The following MYCN variants were observed in gnomAD, a reference collection of about 807,000 sequenced individuals.
The protein encoded by MYCN is MYCN proto-oncogene, bHLH transcription factor, also known as N-myc proto-oncogene protein.
In MYCN, 3 loss-of-function variants were observed where a neutral mutation model predicts 28.1. The ratio of observed to expected loss-of-function variants is 0.11; its 90% confidence interval spans 0.05 to 0.28. The LOEUF is 0.28. Among genes scored for constraint, MYCN ranks in the 10% least tolerant of loss-of-function variants. The pLI is 1.00. For missense variants in MYCN, 572 were observed against 651.4 expected, an observed-to-expected ratio of 0.88 and a Z score of 1.33; for synonymous variants, 326 against 288.3, an observed-to-expected ratio of 1.13 and a Z score of -1.32.
In MYCN at chr2:15,942,357, G is replaced by T; in HGVS notation, c.293G>T (p.Gly98Val). The T allele has an allele frequency of 6.2e-6, 10 of 1,607,112 alleles. No homozygotes were observed. Among genetic ancestry groups the T allele is most frequent in the Non-Finnish European group, 8.5e-6 (10 of 1,177,870 alleles). ...WGSPAEEDAF[G>V]LGGLGGLTPN... ...AGCCCGGCCGAGGAGGACGCGTTCGGCCTGGGGGGACTGGGTGGCCTCACC... is the reference window on the plus strand; with the variant it reads ...AGCCCGGCCGAGGAGGACGCGTTCGTCCTGGGGGGACTGGGTGGCCTCACC... Residue 98 changes from glycine to valine, a missense_variant, in exon 2 of 3, where the codon GGC (glycine) becomes GTC (valine). This residue lies in a region of MYCN where 499 missense variants were observed against 524.3 expected (regional missense o/e 0.95). Transcript: ENST00000281043. The surrounding 1 kb of genome is among the most constrained non-coding windows in gnomAD (Gnocchi z 7.0).
At position 15,946,222 on chromosome 2, in the gene MYCN, TGGGTGGGCAGTA is replaced by T; in HGVS notation, c.*128_*139del. 1 of 1,405,982 alleles carries T rather than the reference TGGGTGGGCAGTA, an allele frequency of 7.1e-7. No individual in the cohort carries two copies. The highest frequency in any genetic ancestry group is 9.9e-7 in the Non-Finnish European group (1 of 1,015,034). 87.1% of individuals were successfully genotyped at this position (1,405,982 alleles called of 1,614,324 possible). On this transcript the variant is annotated 3_prime_UTR_variant, in exon 3 of 3. Coordinates refer to ENST00000281043, the MANE Select transcript of MYCN (RefSeq NM_005378.6). ...ATCGGTCCCCTGTCGAGTTCGGCTCTGGGTGGGCAGTAGGACCACCAGTGTGGGGTTCTGCTG... is the reference window on the plus strand; with the variant it reads ...ATCGGTCCCCTGTCGAGTTCGGCTCTGGACCACCAGTGTGGGGTTCTGCTG...
rs963502992 is a variant in MYCN, at chr2:15,941,378, G to A, written c.-117-570G>A. 8 of 152,662 alleles carry A rather than the reference G, an allele frequency of 5.2e-5. No homozygotes were observed. Among genetic ancestry groups the A allele is most frequent in the African/African-American group, 1.9e-4 (8 of 41,482 alleles). The allele number at this position is 152,662 out of a possible 1,614,324, so 9.5% of individuals were successfully genotyped here. A position where few individuals can be genotyped will look rare whatever the true frequency, so the allele number is the denominator to read the frequency against. ...TGCCGAGGGGCGTTTGCTCAAATTT[G>A]GGGAGGGGAAGGATTTGTGGATATG... On this transcript the variant is annotated intron_variant, in intron 1 of 2. Coordinates refer to ENST00000281043, the MANE Select transcript of MYCN (RefSeq NM_005378.6). The surrounding 1 kb of genome is among the most constrained non-coding windows in gnomAD (Gnocchi z 4.8).
At chr2:15,940,933 T>C in intron 1 of MYCN, 190 bp downstream of exon 1, 2 of 396,214 alleles carry the variant, frequency 5.0e-6, no homozygotes, top group Non-Finnish European at 8.9e-6. Context: ...GAAGGCATCC[T>C]GGCTAGAGGA....
Position 15,946,115 on chromosome 2 carries a change from A to G in MYCN, c.*18A>G, listed in dbSNP as rs1662866903. The G allele has an allele frequency of 1.9e-6, 3 of 1,614,000 alleles. No individual in the cohort carries two copies. Among genetic ancestry groups the G allele is most frequent in the Non-Finnish European group, 2.5e-6 (3 of 1,180,044 alleles). ...CTTGCTAGACGCTTCTCAAAACTGG[A>G]CAGTCACTGCCACTTTGCACATTTT... On this transcript the variant is annotated 3_prime_UTR_variant, in exon 3 of 3. Coordinates refer to ENST00000281043, the MANE Select transcript of MYCN (RefSeq NM_005378.6).
intron 1 of MYCN, chr2:15,940,975 G>C (rs564967633): frequency 2.1e-5 from 8 of 387,958 alleles, no homozygotes; most frequent in African/African-American, 8.2e-5. Flanking sequence ...AGCCCTTACC[G>C]GGGGGAGTAA....
rs140276895 is a variant in MYCN, at chr2:15,945,795, C to G, written c.1093C>G (p.Pro365Ala). Residue 365 changes from proline (P) to alanine (A), a missense_variant, in exon 3 of 3, where the codon CCA becomes GCA. Pro to Ala is a conservative substitution (Grantham distance 27). Coordinates refer to ENST00000281043, the MANE Select transcript of MYCN (RefSeq NM_005378.6). The surrounding 1 kb of genome is among the most constrained non-coding windows in gnomAD (Gnocchi z 4.8). Reference sequence around the variant, plus strand: ...ACGTCCGCTCAAGAGTGTCATCCCCCCAAAGGCTAAGAGCTTGAGCCCCCG... The same window carrying G: ...ACGTCCGCTCAAGAGTGTCATCCCCGCAAAGGCTAAGAGCTTGAGCCCCCG... ...SPRPLKSVIP[P>A]KAKSLSPRNS... The G allele has an allele frequency of 6.2e-4, 997 of 1,614,070 alleles. 3 individuals are homozygous for G. Among genetic ancestry groups the G allele is most frequent in the Middle Eastern group, 3.8e-3 (23 of 6,062 alleles).
At chr2:15,943,420 A>G (rs1480553642) in intron 2 of MYCN, among the ~76,000 whole-genome samples, 1 of 96,450 alleles carries the variant, frequency 1.0e-5, no homozygotes, top group African/African-American at 4.5e-5. Flanking sequence ...TTTTTTTTTC[A>G]AATGTCGGTA....
Position 15,945,381 on chromosome 2 carries a change from G to A in MYCN, c.791-112G>A. 1.6e-6 allele frequency: 2 copies of A among 1,278,020 alleles called. No homozygotes were observed. The highest frequency in any genetic ancestry group is 1.3e-5 in the South Asian group (1 of 77,264). The allele number at this position is 1,278,020 out of a possible 1,614,324, so 79.2% of individuals were successfully genotyped here. A position where few individuals can be genotyped will look rare whatever the true frequency, so the allele number is the denominator to read the frequency against. ...TGTTGATGGACCCATAAAAATAGCA[G>A]TCTGCCAGGGTCTGCCGGAAGAGAC... On this transcript the variant is annotated intron_variant, in intron 2 of 2. Coordinates refer to ENST00000281043, the MANE Select transcript of MYCN (RefSeq NM_005378.6). This position sits in a 1 kb window ranked among gnomAD's most constrained non-coding sequence, Gnocchi z 4.8.
rs2103332751 is a variant in MYCN, at chr2:15,946,244, G to A, written c.*147G>A. ...CTCTGGGTGGGCAGTAGGACCACCA[G>A]TGTGGGGTTCTGCTGGGACCTTGGA... On this transcript the variant is annotated 3_prime_UTR_variant, in exon 3 of 3. Transcript: ENST00000281043. 1 of 1,174,902 alleles carries A rather than the reference G, an allele frequency of 8.5e-7. No homozygotes were observed. The highest frequency in any genetic ancestry group is 1.2e-6 in the Non-Finnish European group (1 of 812,878). The allele number at this position is 1,174,902 out of a possible 1,614,324, so 72.8% of individuals were successfully genotyped here.
chr2:15,944,077 T>A (rs1662793843), intron 2 of MYCN, among the ~76,000 whole-genome samples: 1 of 152,216 alleles, frequency 6.6e-6, no homozygotes, highest in East Asian at 1.9e-4. Flanking sequence ...CTTTAATGTC[T>A]GTGCCTTGAC....
rs74848979 is a variant in MYCN at position 15,943,556 on chromosome 2, C to T, written c.790+702C>T. On this transcript the variant is annotated intron_variant, in intron 2 of 2. Transcript: ENST00000281043. ...GAAAGGCTGGGGGTGGTGGGGGCAC[C>T]CTCCCTCCCTCCATTCAGCAGCTGG... is the stretch of plus-strand genomic sequence containing the variant. Among the ~76,000 whole-genome samples, 527 of 152,088 alleles carry T rather than the reference C, an allele frequency of 3.5e-3. 1 individual carries two copies. Among genetic ancestry groups the T allele is most frequent in the South Asian group, 0.011 (52 of 4,814 alleles).
Position 15,942,361 on chromosome 2 carries a change from G to A in MYCN, c.297G>A (p.Leu99=). 2 of 1,606,472 alleles carry A rather than the reference G, an allele frequency of 1.2e-6. No homozygotes were observed. The highest frequency in any genetic ancestry group is 1.1e-5 in the South Asian group (1 of 90,188). ...GSPAEEDAFG[L]GGLGGLTPNP... ...CGGCCGAGGAGGACGCGTTCGGCCT[G>A]GGGGGACTGGGTGGCCTCACCCCCA... The change falls in exon 2 of 3, where the codon CTG becomes CTA. Residue 99 remains leucine, a synonymous_variant. Transcript: ENST00000281043. The surrounding 1 kb of genome is among the most constrained non-coding windows in gnomAD (Gnocchi z 7.0).
Position 15,945,382 on chromosome 2 carries a change from T to A in MYCN, c.791-111T>A. ...GTTGATGGACCCATAAAAATAGCAG[T>A]CTGCCAGGGTCTGCCGGAAGAGACA... On this transcript the variant is annotated intron_variant, in intron 2 of 2. Coordinates refer to ENST00000281043, the MANE Select transcript of MYCN (RefSeq NM_005378.6). The surrounding 1 kb of genome is among the most constrained non-coding windows in gnomAD (Gnocchi z 4.8). 7.8e-7 allele frequency: 1 copy of A among 1,284,068 alleles called. No homozygotes were observed. Among genetic ancestry groups the A allele is most frequent in the Non-Finnish European group, 1.1e-6 (1 of 907,746 alleles). 79.5% of individuals were successfully genotyped at this position (1,284,068 alleles called of 1,614,324 possible).
Position 15,945,644 on chromosome 2 carries a change from G to T in MYCN, c.942G>T (p.Gln314His). ...KNAALGPGRA[Q>H]SSELILKRCL... ...CAGCCCTGGGTCCCGGGAGGGCTCA[G>T]TCCAGCGAGCTGATCCTCAAACGAT... The change falls in exon 3 of 3, where the codon CAG (glutamine) becomes CAT (histidine). Residue 314 changes from glutamine to histidine, a missense_variant. This residue lies in a region of MYCN where 499 missense variants were observed against 524.3 expected (regional missense o/e 0.95). Transcript: ENST00000281043. The surrounding 1 kb of genome is among the most constrained non-coding windows in gnomAD (Gnocchi z 4.8). 6.2e-7 allele frequency: 1 copy of T among 1,614,184 alleles called. No individual in the cohort carries two copies. Among genetic ancestry groups the T allele is most frequent in the South Asian group, 1.1e-5 (1 of 91,074 alleles).
chr2:15,942,841 C>T lies in MYCN; in HGVS notation c.777C>T (p.Thr259=), dbSNP rs1029438439. 2.5e-6 allele frequency: 4 copies of T among 1,585,960 alleles called. No individual in the cohort carries two copies. Among genetic ancestry groups the T allele is most frequent in the Non-Finnish European group, 2.6e-6 (3 of 1,173,426 alleles). The stretch of plus-strand genomic sequence containing the variant: ...CCCTCAGTACCTCCGGAGAGGACAC[C>T]CTGAGCGATTCAGGTAAAGACCGAA... ...HKALSTSGED[T]LSDSDDEDDE... Residue 259 remains threonine (T), a synonymous_variant, in exon 2 of 3, where the codon ACC becomes ACT. Transcript: ENST00000281043. This position sits in a 1 kb window ranked among gnomAD's most constrained non-coding sequence, Gnocchi z 7.0.
intron 2 of MYCN, among the ~76,000 whole-genome samples, chr2:15,944,829 A>G (rs931620658): frequency 6.6e-6 from 1 of 152,148 alleles, no homozygotes; most frequent in African/African-American, 2.4e-5. Context: ...TCATGCAACT[A>G]GTCTGCGGTG....
chr2:15,940,980 G>C (rs1445170513), intron 1 of MYCN: 4 of 387,852 alleles, frequency 1.0e-5, no homozygotes, highest in Non-Finnish European at 1.8e-5. Flanking sequence ...TTACCGGGGG[G>C]AGTAATGGCT....
At position 15,945,493 on chromosome 2, in the gene MYCN, A is replaced by T; in HGVS notation, c.791A>T (p.Asp264Val). ...AGAGTAACTAGCATCTTTCTCTCAG[A>T]TGATGAAGATGATGAAGAGGAAGAT... ...TSGEDTLSDSDDEDDEEEDEE... is the reference protein window; with the variant it reads ...TSGEDTLSDSVDEDDEEEDEE... Residue 264 changes from aspartate to valine, a missense_variant and splice_region_variant, in exon 3 of 3, where the codon GAT becomes GTT. Around this residue, in one of 3 missense-constraint regions of MYCN, gnomAD observed 499 missense variants for 524.3 expected, o/e 0.95. Transcript: ENST00000281043. This position sits in a 1 kb window ranked among gnomAD's most constrained non-coding sequence, Gnocchi z 4.8. The T allele has an allele frequency of 6.2e-7, 1 of 1,603,100 alleles. No homozygotes were observed.
rs1298704653 is a variant in MYCN, at chr2:15,945,414, C to CA, written c.791-78dup. On this transcript the variant is annotated intron_variant, in intron 2 of 2. Coordinates refer to ENST00000281043, the MANE Select transcript of MYCN (RefSeq NM_005378.6). This position sits in a 1 kb window ranked among gnomAD's most constrained non-coding sequence, Gnocchi z 4.8. ...GGGTCTGCCGGAAGAGACAGATAAG[C>CA]ATACATATTAACATGGATATATATG... 1 of 1,495,354 alleles carries CA rather than the reference C, an allele frequency of 6.7e-7. No homozygotes were observed. Among genetic ancestry groups the CA allele is most frequent in the Non-Finnish European group, 9.1e-7 (1 of 1,097,378 alleles). The allele number at this position is 1,495,354 out of a possible 1,614,324, so 92.6% of individuals were successfully genotyped here.
Sources: gnomAD v4.1 joint callset for allele counts (sites outside exome capture counted in the v4.1 genomes callset) on GRCh38, gnomAD v4.1.1 for gene constraint, gnomAD v4.1.1 regional missense constraint, Gnocchi (gnomAD v3.1) non-coding constraint, MANE v1.5 for transcripts, NCBI Gene and HGNC (gene_info 2026-07-23, HGNC 2026-07-21) for gene names.